ILDR2: variants seen among roughly 807,000 people sequenced by gnomAD.
ILDR2 encodes immunoglobulin like domain containing receptor 2, also known as immunoglobulin-like domain-containing receptor 2.
Under a neutral mutation model 66.8 loss-of-function variants are expected in ILDR2, and 25 were observed. That is an observed-to-expected ratio of 0.37 (90% CI 0.27 to 0.52). The LOEUF is 0.52. Among genes scored for constraint, ILDR2 ranks in the 20% least tolerant of loss-of-function variants. The pLI, the probability that ILDR2 is intolerant of heterozygous loss-of-function variation, is 0.88. For missense variants in ILDR2, 827 were observed against 876.8 expected (o/e 0.94, Z 0.72); for synonymous variants, 367 against 357.2 (o/e 1.03, Z -0.31).
intron 1 of ILDR2, among the ~76,000 whole-genome samples, chr1:166,971,327 T>C (rs1438091875): frequency 2.0e-5 from 3 of 152,252 alleles, no homozygotes; most frequent in Admixed American, 6.5e-5. Flanking sequence ...TATCACGTTT[T>C]CTGGGAATTT....
chr1:166,943,945 G>C (rs1351173732), intron 3 of ILDR2: 11 of 665,872 alleles, frequency 1.7e-5, no homozygotes, highest in Non-Finnish European at 2.0e-5. Context: ...TTTTATGTAA[G>C]CGCTCAAACA....
At chr1:166,962,924 A>G (rs891378652) in intron 1 of ILDR2, among the ~76,000 whole-genome samples, 4 of 152,218 alleles carry the variant, frequency 2.6e-5, no homozygotes, top group African/African-American at 9.7e-5. Flanking sequence ...TCCAACTACC[A>G]GTTATGTCTC....
chr1:166,948,381 CT>C (rs1661765730), intron 3 of ILDR2, among the ~76,000 whole-genome samples: 1 of 152,178 alleles, frequency 6.6e-6, no homozygotes, highest in African/African-American at 2.4e-5. Flanking sequence ...TAAAGTCACC[CT>C]ATCTAAAGTC....
chr1:166,913,792 A>T lies in ILDR2; in HGVS notation c.*5563T>A, dbSNP rs1431084108. The stretch of plus-strand genomic sequence containing the variant: ...AAGGATTCTCCAGAAAACCTGAAGC[A>T]TATATTACCCCTCACAGCACAGGTG... On this transcript the variant is annotated 3_prime_UTR_variant, in exon 10 of 10. Transcript: ENST00000271417. 1 of 152,210 alleles carries T rather than the reference A, an allele frequency of 6.6e-6. No individual in the cohort carries two copies. The highest frequency in any genetic ancestry group is 2.4e-5 in the African/African-American group (1 of 41,446). The allele number at this position is 152,210 out of a possible 1,614,324, so 9.4% of individuals were successfully genotyped here.
intron 3 of ILDR2, chr1:166,944,028 T>C (rs1471959608): frequency 1.2e-5 from 2 of 165,036 alleles, no homozygotes; most frequent in African/African-American, 2.4e-5. Flanking sequence ...GAATCAGGCA[T>C]ACTAATACTT....
intron 3 of ILDR2, among the ~76,000 whole-genome samples, chr1:166,942,439 G>C (rs1423386527): frequency 6.6e-6 from 1 of 152,040 alleles, no homozygotes; most frequent in Non-Finnish European, 1.5e-5. Context: ...GTGTCTTCAG[G>C]GTTTCAGATC....
downstream of ILDR2, among the ~76,000 whole-genome samples, chr1:166,903,371 CCTAAGG>C (rs1005065144): frequency 2.4e-4 from 36 of 152,204 alleles, 1 homozygote; most frequent in Admixed American, 1.3e-4. Context: ...CTCCACCATG[CCTAAGG>C]CTAGTACATT....
intron 6 of ILDR2, among the ~76,000 whole-genome samples, chr1:166,930,634 A>G (rs1352861759): frequency 6.6e-6 from 1 of 152,172 alleles, no homozygotes; most frequent in Non-Finnish European, 1.5e-5. Flanking sequence ...AACACCAGAA[A>G]ACCTTTCCTG....
chr1:166,939,705 C>T (rs1382185520), intron 3 of ILDR2, 135 bp from the exon 4 acceptor site: 2 of 672,602 alleles, frequency 3.0e-6, no homozygotes, highest in Non-Finnish European at 5.4e-6. Flanking sequence ...AGAAGCACAT[C>T]ACCAAAGCTA....
At chr1:166,920,520 A>T in intron 9 of ILDR2, 187 bp downstream of exon 9, 1 of 226,026 alleles carries the variant, frequency 4.4e-6, no homozygotes, top group Non-Finnish European at 7.4e-6. Flanking sequence ...CCTTGGACAG[A>T]GTGAGGCTGA....
chr1:166,933,473 A>T (rs1660758811), intron 6 of ILDR2: 4 of 803,716 alleles, frequency 5.0e-6, no homozygotes, highest in Non-Finnish European at 6.0e-6. Context: ...CTGTTCTATT[A>T]ACCAACCCTG....
intron 3 of ILDR2, among the ~76,000 whole-genome samples, chr1:166,943,223 T>G (rs528550228): frequency 6.6e-6 from 1 of 152,288 alleles, no homozygotes; most frequent in Admixed American, 6.5e-5. Flanking sequence ...CCGGGCACGG[T>G]GGCTCACGCC....
intron 2 of ILDR2, among the ~76,000 whole-genome samples, chr1:166,899,298 C>G (rs1463292302): frequency 6.7e-6 from 1 of 150,188 alleles, no homozygotes. Flanking sequence ...GAGGCTGAGA[C>G]AGGAGACTTG....
intron 1 of ILDR2, among the ~76,000 whole-genome samples, chr1:166,968,919 C>T (rs904148679): frequency 6.6e-6 from 1 of 152,120 alleles, no homozygotes; most frequent in Admixed American, 6.5e-5. Context: ...TGAGCAAGAA[C>T]TAAGTGTATG....
chr1:166,928,202 T>G (rs1205478954), intron 6 of ILDR2, among the ~76,000 whole-genome samples: 1 of 152,216 alleles, frequency 6.6e-6, no homozygotes, highest in Non-Finnish European at 1.5e-5. Context: ...CATTTGTTCC[T>G]CAGAACCACC....
rs191337250 is a variant in ILDR2, at chr1:166,908,378, T to A, written c.*10977A>T. 10 of 152,214 alleles carry A rather than the reference T, an allele frequency of 6.6e-5. No individual in the cohort carries two copies. Among genetic ancestry groups the A allele is most frequent in the African/African-American group, 2.2e-4 (9 of 41,516 alleles). 9.4% of individuals were successfully genotyped at this position (152,214 alleles called of 1,614,324 possible). ...TGTCTCTTCTTATAAGGACACTAAT[T>A]CCATCATAAGAGCTCCACCCTACTG... On this transcript the variant is annotated 3_prime_UTR_variant, in exon 10 of 10. Transcript: ENST00000271417.
Position 166,919,329 on chromosome 1 carries a change from C to T in ILDR2, c.*26G>A, listed in dbSNP as rs1284834334. On this transcript the variant is annotated 3_prime_UTR_variant, in exon 10 of 10. Transcript: ENST00000271417. ...TCCCCGTAGTCCATGTCTGATTTCT[C>T]ATTATCCAGAGAAATGTTGACAACA... 1 of 1,607,442 alleles carries T rather than the reference C, an allele frequency of 6.2e-7. No individual in the cohort carries two copies. Among genetic ancestry groups the T allele is most frequent in the African/African-American group, 1.3e-5 (1 of 74,780 alleles).
rs1042612195 is a variant in ILDR2, at chr1:166,917,497, A to G, written c.*1858T>C. On this transcript the variant is annotated 3_prime_UTR_variant, in exon 10 of 10. Coordinates refer to ENST00000271417, the MANE Select transcript of ILDR2 (RefSeq NM_199351.3). ...TTGTCCACGGATCCATAGACAGGGA[A>G]GAAACCACTGCTGGATTAAGGGATA... 2.0e-5 allele frequency: 3 copies of G among 152,238 alleles called. No homozygotes were observed. The highest frequency in any genetic ancestry group is 1.3e-4 in the Admixed American group (2 of 15,288). 9.4% of individuals were successfully genotyped at this position (152,238 alleles called of 1,614,324 possible).
At chr1:166,935,814 C>T (rs1660940726) in intron 5 of ILDR2, among the ~76,000 whole-genome samples, 1 of 152,204 alleles carries the variant, frequency 6.6e-6, no homozygotes, top group South Asian at 2.1e-4. Flanking sequence ...GCCTCGGCCC[C>T]TCTGGAGGCA....
Sources: allele counts gnomAD v4.1 joint callset (sites outside exome capture counted in the v4.1 genomes callset), GRCh38; gene constraint gnomAD v4.1.1; transcripts MANE v1.5; gene names NCBI Gene and HGNC (gene_info 2026-07-23, HGNC 2026-07-21).